VIPR1: variants seen among roughly 807,000 people sequenced by gnomAD.
The protein encoded by VIPR1 is vasoactive intestinal peptide receptor 1.
A neutral mutation model predicts 58.8 loss-of-function variants in VIPR1; 59 were observed. That is an observed-to-expected ratio of 1.00 (90% CI 0.81 to 1.25). VIPR1 has a LOEUF of 1.25. Among genes scored for constraint, VIPR1 ranks in the 50% most tolerant of loss-of-function variants. VIPR1 has a pLI of 0.00. For missense variants in VIPR1, 626 were observed against 602.7 expected (o/e 1.04, Z -0.40); for synonymous variants, 251 against 242.1 (o/e 1.04, Z -0.34).
At chr3:42,531,422 C>G (rs1430458114) in intron 7 of VIPR1, 49 bp from the exon 8 acceptor site, 18 of 1,547,238 alleles carry the variant, frequency 1.2e-5, no homozygotes, top group Non-Finnish European at 1.6e-5. Flanking sequence ...GCCCTCTACC[C>G]CTGCTTCCTG....
At position 42,519,443 on chromosome 3, in the gene VIPR1, G is replaced by T. The variant is rs1180540709; in HGVS notation, c.292+113G>T. On this transcript the variant is annotated intron_variant, in intron 3 of 12. Transcript: ENST00000325123. ...GTGGTCAAAGAGGCTGGAGCAATCC[G>T]AGGGACTCCCTGGCAGAGGAGGCAA... 6 of 845,492 alleles carry T rather than the reference G, an allele frequency of 7.1e-6. No individual in the cohort carries two copies. In the African/African-American group the frequency reaches 8.8e-5, roughly 12 times the overall value. 52.4% of individuals were successfully genotyped at this position (845,492 alleles called of 1,614,324 possible).
intron 1 of VIPR1, among the ~76,000 whole-genome samples, chr3:42,511,506 G>A (rs1420810227): frequency 6.6e-6 from 1 of 152,166 alleles, no homozygotes; most frequent in Admixed American, 6.5e-5. Flanking sequence ...GAAGGAGGTT[G>A]TTTCCCAGAC....
rs1199644500 is a variant in VIPR1 at position 42,513,779 on chromosome 3, T to G, written c.109T>G (p.Cys37Gly). Residue 37 changes from cysteine (C) to glycine (G), a missense_variant, in exon 2 of 13, where the codon TGT (cysteine) becomes GGT (glycine). Coordinates refer to ENST00000325123, the MANE Select transcript of VIPR1 (RefSeq NM_004624.4). Reference sequence around the variant, plus strand: ...CCAGGCGGCCAGGCTGCAGGAGGAGTGTGACTATGTGCAGATGATCGAGGT... The same window carrying G: ...CCAGGCGGCCAGGCTGCAGGAGGAGGGTGACTATGTGCAGATGATCGAGGT... ...GGQAARLQEE[C>G]DYVQMIEVQH... The G allele has an allele frequency of 1.3e-6, 2 of 1,550,856 alleles. No homozygotes were observed. The highest frequency in any genetic ancestry group is 1.4e-5 in the African/African-American group (1 of 72,820).
Position 42,530,846 on chromosome 3 carries a change from T to C in VIPR1, c.704T>C (p.Val235Ala), listed in dbSNP as rs746410372. The change falls in exon 7 of 13, where the codon GTG becomes GCG. Residue 235 changes from valine (V) to alanine (A), a missense_variant. Physicochemically the swap from Val to Ala is moderately conservative, Grantham distance 64. Transcript: ENST00000325123. ...ATGGCTAACTTCTTCTGGCTGCTGGTGGAGGGCCTCTACCTGTACACCCTG... is the reference window on the plus strand; with the variant it reads ...ATGGCTAACTTCTTCTGGCTGCTGGCGGAGGGCCTCTACCTGTACACCCTG... The part of the protein sequence containing the change: ...CVMANFFWLL[V>A]EGLYLYTLLA... 1.9e-6 allele frequency: 3 copies of C among 1,614,116 alleles called. No homozygotes were observed. The highest frequency in any genetic ancestry group is 2.5e-6 in the Non-Finnish European group (3 of 1,179,984).
rs752973131 is a variant in VIPR1, at chr3:42,535,551, G to A, written c.1182+167G>A. 1.2e-4 allele frequency among the ~76,000 whole-genome samples: 18 copies of A among 152,178 alleles called. No individual in the cohort carries two copies. In the South Asian group the frequency reaches 1.7e-3, roughly 14 times the overall value. Reference sequence around the variant, plus strand: ...TCACCTAGGCCCTTGTTAAAAATGCGCATCTCTGGGACCACCCCAGACCTG... The same window carrying A: ...TCACCTAGGCCCTTGTTAAAAATGCACATCTCTGGGACCACCCCAGACCTG... On this transcript the variant is annotated intron_variant, in intron 12 of 12. Transcript: ENST00000325123.
chr3:42,499,188 C>G (rs1699820751), upstream of VIPR1, among the ~76,000 whole-genome samples: 1 of 152,138 alleles, frequency 6.6e-6, no homozygotes, highest in African/African-American at 2.4e-5. Flanking sequence ...TCACCATCTC[C>G]TAGCCTGGCC....
At chr3:42,521,494 GAAGTTTGC>G (rs1700914878) in intron 3 of VIPR1, 1 of 152,242 alleles carries the variant, frequency 6.6e-6, no homozygotes, top group African/African-American at 2.4e-5. Flanking sequence ...TCCAAAGAGG[GAAGTTTGC>G]AAGTGTGAGG....
rs761986236 is a variant in VIPR1, at chr3:42,536,223, G to A, written c.1316G>A (p.Arg439His). The change falls in exon 13 of 13, where the codon CGC becomes CAC. Residue 439 changes from arginine to histidine, a missense_variant. Arg to His is a conservative substitution (Grantham distance 29). Coordinates refer to ENST00000325123, the MANE Select transcript of VIPR1 (RefSeq NM_004624.4). ...AGCACGCAGGTTTCCATGCTGACCCGCGTCAGCCCAGGTGCCCGCCGCTCC... is the reference window on the plus strand; with the variant it reads ...AGCACGCAGGTTTCCATGCTGACCCACGTCAGCCCAGGTGCCCGCCGCTCC... The part of the protein sequence containing the change: ...TCSTQVSMLT[R>H]VSPGARRSSS... 3.8e-6 allele frequency: 6 copies of A among 1,584,244 alleles called. No individual in the cohort carries two copies. Among genetic ancestry groups the A allele is most frequent in the Non-Finnish European group, 5.1e-6 (6 of 1,167,760 alleles).
intron 1 of VIPR1, chr3:42,507,345 C>T (rs1299553709): frequency 6.6e-6 from 1 of 152,254 alleles, no homozygotes; most frequent in Admixed American, 6.5e-5. Context: ...AGGCTAGCCT[C>T]CACTGGGAGG....
intron 1 of VIPR1, among the ~76,000 whole-genome samples, chr3:42,510,669 T>C (rs1311263308): frequency 6.6e-6 from 1 of 151,976 alleles, no homozygotes; most frequent in African/African-American, 2.4e-5. Context: ...CCTCTTTGGG[T>C]CTCCATTTCC....
At chr3:42,521,473 C>T (rs756489031) in intron 3 of VIPR1, 2 of 152,164 alleles carry the variant, frequency 1.3e-5, no homozygotes, top group South Asian at 2.1e-4. Context: ...TGTGGGCAAC[C>T]GACCTGAAAT....
chr3:42,504,885 A>G (rs1430777720), intron 1 of VIPR1, among the ~76,000 whole-genome samples: 4 of 147,334 alleles, frequency 2.7e-5, no homozygotes, highest in Non-Finnish European at 6.0e-5. Context: ...GGAAGGAGAA[A>G]TCTCTGAAAA....
chr3:42,505,927 C>G (rs554422068), intron 1 of VIPR1, among the ~76,000 whole-genome samples: 1 of 152,156 alleles, frequency 6.6e-6, no homozygotes, highest in Non-Finnish European at 1.5e-5. Flanking sequence ...CCCTGGAGCA[C>G]CAGGGTCTCT....
intron 1 of VIPR1, chr3:42,508,719 C>T (rs1577207815): frequency 6.6e-6 from 1 of 152,340 alleles, no homozygotes; most frequent in East Asian, 1.9e-4. Context: ...GTCCTTTACC[C>T]ACTCCTTTTC....
rs200263860 is a variant in VIPR1, at chr3:42,527,425, C to G, written c.432C>G (p.Thr144=). 3.7e-6 allele frequency: 6 copies of G among 1,613,842 alleles called. No homozygotes were observed. ...QQTMFYGSVK[T]GYTIGYGLSL... ...CCATGTTCTACGGTTCTGTGAAGACCGGCTACACCATTGGCTACGGCCTGT... is the reference window on the plus strand; with the variant it reads ...CCATGTTCTACGGTTCTGTGAAGACGGGCTACACCATTGGCTACGGCCTGT... The change falls in exon 5 of 13, where the codon ACC becomes ACG. Residue 144 remains threonine, a synonymous_variant. Transcript: ENST00000325123.
intron 4 of VIPR1, among the ~76,000 whole-genome samples, chr3:42,526,241 C>A (rs1172642422): frequency 6.6e-6 from 1 of 152,234 alleles, no homozygotes; most frequent in Non-Finnish European, 1.5e-5. Context: ...GCAGCTCCCC[C>A]AGGCTGGGCC....
intron 5 of VIPR1, 31 bp downstream of exon 5, chr3:42,527,527 A>C: frequency 6.2e-7 from 1 of 1,605,526 alleles, no homozygotes; most frequent in African/African-American, 1.3e-5. Context: ...CAGGCCTCAA[A>C]GCAAACCTGG....
chr3:42,514,922 G>C (rs551104398), intron 2 of VIPR1, among the ~76,000 whole-genome samples: 10 of 152,344 alleles, frequency 6.6e-5, no homozygotes, highest in Non-Finnish European at 1.2e-4. Context: ...AGCAGGTTTG[G>C]AGAAACAGAG....
At chr3:42,503,220 T>C (rs1699951922) in intron 1 of VIPR1, among the ~76,000 whole-genome samples, 1 of 152,064 alleles carries the variant, frequency 6.6e-6, no homozygotes, top group South Asian at 2.1e-4. Flanking sequence ...GCCGTTCTTG[T>C]GTGCTGTGAC....
Sources: allele counts gnomAD v4.1 joint callset (sites outside exome capture counted in the v4.1 genomes callset), GRCh38; gene constraint gnomAD v4.1.1; transcripts MANE v1.5; gene names NCBI Gene and HGNC (gene_info 2026-07-23, HGNC 2026-07-21).